Variants in DLGAP2 observed in about 807,000 individuals in gnomAD.
The protein encoded by DLGAP2 is disks large-associated protein 2.
A neutral mutation model predicts 100.3 loss-of-function variants in DLGAP2; 26 were observed. The observed-to-expected ratio is 0.26, with a 90% CI of 0.19 to 0.36. DLGAP2 has a LOEUF of 0.36. DLGAP2 is among the 10% of genes least tolerant of loss of function. The pLI is 1.00. For missense variants in DLGAP2, 1,858 were observed against 1,453.2 expected (o/e 1.28, Z -4.53); for synonymous variants, 886 against 630.1 (o/e 1.41, Z -6.08).
At chr8:852,962 C>T (rs1162340846) in intron 1 of DLGAP2, among the ~76,000 whole-genome samples, 1 of 152,210 alleles carries the variant, frequency 6.6e-6, no homozygotes, top group Non-Finnish European at 1.5e-5. Flanking sequence ...GCTGGATCTT[C>T]GCAGATGGGT....
intron 3 of DLGAP2, among the ~76,000 whole-genome samples, chr8:1,392,607 T>G (rs571597974): frequency 6.6e-6 from 1 of 152,216 alleles, no homozygotes; most frequent in Non-Finnish European, 1.5e-5. Flanking sequence ...CTTTGCATTT[T>G]AACTGTGACC....
Position 1,706,677 on chromosome 8 carries a change from C to T in DLGAP2, c.*5271C>T, listed in dbSNP as rs1324011832. On this transcript the variant is annotated 3_prime_UTR_variant, in exon 15 of 15. Transcript: ENST00000637795. ...GTTTTCACCATTACTTAAGCTCAATCGCCTCTTAGATGAAATGAGGAGATA... is the reference window on the plus strand; with the variant it reads ...GTTTTCACCATTACTTAAGCTCAATTGCCTCTTAGATGAAATGAGGAGATA... 2.0e-5 allele frequency: 3 copies of T among 152,138 alleles called. No individual in the cohort carries two copies. The highest frequency in any genetic ancestry group is 2.9e-5 in the Non-Finnish European group (2 of 68,036). 9.4% of individuals were successfully genotyped at this position (152,138 alleles called of 1,614,324 possible). A position where few individuals can be genotyped will look rare whatever the true frequency, so the allele number is the denominator to read the frequency against.
chr8:907,379 C>G (rs1051784243), intron 1 of DLGAP2, among the ~76,000 whole-genome samples: 2 of 152,168 alleles, frequency 1.3e-5, no homozygotes, highest in African/African-American at 4.8e-5. Context: ...TTATTTTCAC[C>G]TCTCCTTCAC....
chr8:1,424,568 C>A (rs896177904), intron 3 of DLGAP2, among the ~76,000 whole-genome samples: 1 of 152,208 alleles, frequency 6.6e-6, no homozygotes, highest in Non-Finnish European at 1.5e-5. Context: ...TAAGCCATCA[C>A]AAAAGGACAA....
chr8:1,198,555 A>G (rs1797803107), intron 2 of DLGAP2, among the ~76,000 whole-genome samples: 1 of 152,136 alleles, frequency 6.6e-6, no homozygotes, highest in East Asian at 1.9e-4. Context: ...CTCATGACTC[A>G]GGAGGGCCAG....
At chr8:925,455 G>A (rs1798793396) in intron 2 of DLGAP2, among the ~76,000 whole-genome samples, 1 of 152,140 alleles carries the variant, frequency 6.6e-6, no homozygotes, top group Admixed American at 6.5e-5. Flanking sequence ...TGTTCTGTGT[G>A]GAGGCTGGAC....
intron 5 of DLGAP2, among the ~76,000 whole-genome samples, chr8:1,561,133 A>G (rs1802143869): frequency 6.6e-6 from 1 of 152,074 alleles, no homozygotes; most frequent in Admixed American, 6.6e-5. Flanking sequence ...GTTCCCCTGC[A>G]CACACTCTCT....
chr8:1,541,634 G>A (rs1399570659), intron 4 of DLGAP2, among the ~76,000 whole-genome samples: 3 of 152,182 alleles, frequency 2.0e-5, no homozygotes, highest in Non-Finnish European at 2.9e-5. Context: ...TGGATCCCAC[G>A]ACTGGGAACC....
intron 2 of DLGAP2, 40 bp downstream of exon 2, chr8:908,006 T>C (rs1021986952): frequency 1.5e-5 from 6 of 398,814 alleles, no homozygotes; most frequent in Admixed American, 1.3e-4. Flanking sequence ...ATTATATGTT[T>C]CGTATCAGTG....
chr8:1,476,101 G>T (rs1379424970), intron 3 of DLGAP2, among the ~76,000 whole-genome samples: 1 of 152,180 alleles, frequency 6.6e-6, no homozygotes, highest in African/African-American at 2.4e-5. Flanking sequence ...AGTAACCAGT[G>T]TCTGAAGAAC....
chr8:1,534,282 C>A (rs1039689954), intron 4 of DLGAP2, among the ~76,000 whole-genome samples: 1 of 152,304 alleles, frequency 6.6e-6, no homozygotes, highest in African/African-American at 2.4e-5. Context: ...AATTTTCTAG[C>A]ACAGAAAGTA....
intron 3 of DLGAP2, chr8:1,378,116 A>G (rs1360679096): frequency 6.3e-6 from 1 of 159,348 alleles, no homozygotes; most frequent in Non-Finnish European, 1.4e-5. Flanking sequence ...ACCTGGCCTC[A>G]CTTGTCCCTT....
chr8:1,252,657 G>A (rs4448298), intron 2 of DLGAP2, among the ~76,000 whole-genome samples: 11,869 of 152,340 alleles, frequency 0.078, 1,146 homozygotes, highest in African/African-American at 0.22. Context: ...ATGGTTTCGT[G>A]CTCTGTGCTG....
chr8:1,514,810 G>A (rs866343989), intron 4 of DLGAP2, among the ~76,000 whole-genome samples: 15 of 152,316 alleles, frequency 9.8e-5, no homozygotes, highest in Middle Eastern at 3.4e-3. Context: ...AAGGAAGGCC[G>A]GCCTGAGTCC....
Position 1,415,523 on chromosome 8 carries a change from C to T in DLGAP2, c.107-85843C>T, listed in dbSNP as rs115254967. ...TTCGCACCTTTATGTCCACGTGTGC[C>T]CTATGTTTAGCCTCCACTTATAAGT... On this transcript the variant is annotated intron_variant, in intron 3 of 14. Coordinates refer to ENST00000637795, the MANE Select transcript of DLGAP2 (RefSeq NM_001346810.2). Among the ~76,000 whole-genome samples the T allele has an allele frequency of 8.4e-3, 1,279 of 152,178 alleles. 18 individuals are homozygous for T. The highest frequency in any genetic ancestry group is 0.029 in the African/African-American group (1,203 of 41,484).
At chr8:1,683,987 T>TATATATATATATATAC (rs1178906686) in intron 12 of DLGAP2, among the ~76,000 whole-genome samples, 2 of 99,664 alleles carry the variant, frequency 2.0e-5, no homozygotes, top group African/African-American at 7.4e-5. Context: ...TATATATATA[T>TATATATATATATATAC]ACTTTTTTTT....
intron 1 of DLGAP2, among the ~76,000 whole-genome samples, chr8:742,577 T>C (rs1563406400): frequency 6.6e-6 from 1 of 152,172 alleles, no homozygotes; most frequent in Non-Finnish European, 1.5e-5. Flanking sequence ...GGCATGATCA[T>C]AGCTAACTGC....
At chr8:1,343,249 G>T (rs578136152) in intron 3 of DLGAP2, among the ~76,000 whole-genome samples, 2 of 152,160 alleles carry the variant, frequency 1.3e-5, no homozygotes, top group Non-Finnish European at 2.9e-5. Context: ...TGAGAGGTGC[G>T]CAGGGCAGGG....
chr8:1,051,365 G>T (rs1274936427), intron 2 of DLGAP2, among the ~76,000 whole-genome samples: 1 of 152,070 alleles, frequency 6.6e-6, no homozygotes, highest in African/African-American at 2.4e-5. Flanking sequence ...ATACAAGATC[G>T]TTTTACCCTC....
Sources: allele counts gnomAD v4.1 joint callset (sites outside exome capture counted in the v4.1 genomes callset), GRCh38; gene constraint gnomAD v4.1.1; transcripts MANE v1.5; gene names NCBI Gene and HGNC (gene_info 2026-07-23, HGNC 2026-07-21).